The following AMOTL2 variants were observed in gnomAD, a reference collection of about 807,000 sequenced individuals.
AMOTL2 encodes the protein angiomotin-like protein 2.
In AMOTL2, 33 loss-of-function variants were observed where a neutral mutation model predicts 78.4. The observed-to-expected ratio is 0.42, with a 90% CI of 0.32 to 0.56. AMOTL2 has a LOEUF of 0.56. Among genes scored for constraint, AMOTL2 ranks in the 20% least tolerant of loss-of-function variants. The pLI, the probability that AMOTL2 is intolerant of heterozygous loss-of-function variation, is 0.12. For missense variants in AMOTL2, 983 were observed against 1,030.1 expected, an observed-to-expected ratio of 0.95 and a Z score of 0.63; for synonymous variants, 422 against 428.8, an observed-to-expected ratio of 0.98 and a Z score of 0.20.
At chr3:134,358,821 G>A in intron 8 of AMOTL2, 102 bp from the exon 9 acceptor site, 2 of 1,364,098 alleles carry the variant, frequency 1.5e-6, no homozygotes, top group Non-Finnish European at 2.0e-6. Flanking sequence ...AGGTGGAGTG[G>A]GCTGCTCTTG....
At chr3:134,371,516 G>C (rs763497995) in intron 1 of AMOTL2, 22 bp from the exon 2 acceptor site, 1 of 1,575,856 alleles carries the variant, frequency 6.3e-7, no homozygotes, top group Non-Finnish European at 8.6e-7. Flanking sequence ...TGGGGAGAGA[G>C]AGAGAGAAAA....
At chr3:134,374,009 T>G in intron 1 of AMOTL2, 1 of 249,292 alleles carries the variant, frequency 4.0e-6, no homozygotes, top group African/African-American at 2.3e-5. Context: ...GGCGCCTCCA[T>G]CCCTGTCCCC....
At position 134,365,773 on chromosome 3, in the gene AMOTL2, T is replaced by C. The variant is rs115364449; in HGVS notation, c.1279+44A>G. 2,575 of 1,539,272 alleles carry C rather than the reference T, an allele frequency of 1.7e-3. 38 individuals are homozygous for C. The African/African-American group carries it at 0.03, about 18-fold the overall frequency. ...GTCCAGAGGGTGTGCAGCAGTCCCA[T>C]TGCCTGCACACAGGCCAGGCTTCTT... is the stretch of plus-strand genomic sequence containing the variant. On this transcript the variant is annotated intron_variant, in intron 5 of 9. Transcript: ENST00000249883.
intron 3 of AMOTL2, chr3:134,366,628 G>T (rs1034578988): frequency 3.1e-5 from 17 of 540,426 alleles, no homozygotes; most frequent in Non-Finnish European, 5.1e-5. Flanking sequence ...AGCAAGCAAC[G>T]GTCCCATCGG....
rs1559800031 is a variant in AMOTL2 at position 134,365,929 on chromosome 3, G to A, written c.1187-20C>T. On this transcript the variant is annotated intron_variant, in intron 4 of 9. Coordinates refer to ENST00000249883, the MANE Select transcript of AMOTL2 (RefSeq NM_016201.4). The stretch of plus-strand genomic sequence containing the variant: ...ATCTCTCTGTTTCAAGGGAAGGAAA[G>A]ATGTTTTAGTGTCAGGTGAAGCTGC... 1.2e-6 allele frequency: 2 copies of A among 1,612,274 alleles called. No individual in the cohort carries two copies. Among genetic ancestry groups the A allele is most frequent in the South Asian group, 2.2e-5 (2 of 90,978 alleles).
intron 1 of AMOTL2, among the ~76,000 whole-genome samples, chr3:134,373,033 C>T (rs2017935558): frequency 1.3e-5 from 2 of 152,122 alleles, no homozygotes; most frequent in Non-Finnish European, 2.9e-5. Flanking sequence ...GTTGGCAGAG[C>T]AGCCATTCCC....
At position 134,374,444 on chromosome 3, in the gene AMOTL2, C is replaced by T; in HGVS notation, c.-164G>A. 1.0e-6 allele frequency: 1 copy of T among 985,556 alleles called. No individual in the cohort carries two copies. Among genetic ancestry groups the T allele is most frequent in the Non-Finnish European group, 1.2e-6 (1 of 830,018 alleles). 61.1% of individuals were successfully genotyped at this position (985,556 alleles called of 1,614,324 possible). ...TGTGTTCTCGGCCGTGGCGCCGACG[C>T]TCTGGCTGTTCGCGCCCCAGCGCGC... is the stretch of plus-strand genomic sequence containing the variant. On this transcript the variant is annotated 5_prime_UTR_variant, in exon 1 of 10. Coordinates refer to ENST00000249883, the MANE Select transcript of AMOTL2 (RefSeq NM_016201.4).
chr3:134,362,348 T>C lies in AMOTL2; in HGVS notation c.1280-541A>G, dbSNP rs76297262. On this transcript the variant is annotated intron_variant, in intron 5 of 9. Transcript: ENST00000249883. Reference sequence around the variant, plus strand: ...TCCTCCAGCCCCTCCAGGGAGGATTTGGGATCCCCAACTTATAGGGGAGAA... The same window carrying C: ...TCCTCCAGCCCCTCCAGGGAGGATTCGGGATCCCCAACTTATAGGGGAGAA... Among the ~76,000 whole-genome samples the C allele has an allele frequency of 8.5e-5, 13 of 152,278 alleles. No individual in the cohort carries two copies. The East Asian group carries it at 2.5e-3, about 29-fold the overall frequency.
upstream of AMOTL2, chr3:134,374,675 A>C: frequency 2.0e-6 from 2 of 981,792 alleles, no homozygotes; most frequent in Non-Finnish European, 2.4e-6. Context: ...CCGGCCCCCG[A>C]GCTCCGTTCC....
rs777985491 is a variant in AMOTL2, at chr3:134,358,648, C to A, written c.2176G>T (p.Asp726Tyr). 4 of 1,613,756 alleles carry A rather than the reference C, an allele frequency of 2.5e-6. No individual in the cohort carries two copies. Among genetic ancestry groups the A allele is most frequent in the Middle Eastern group, 1.7e-4 (1 of 6,058 alleles). The change falls in exon 9 of 10, where the codon GAT becomes TAT. Residue 726 changes from aspartate (D) to tyrosine (Y), a missense_variant. Asp to Tyr is a radical substitution (Grantham distance 160). Coordinates refer to ENST00000249883, the MANE Select transcript of AMOTL2 (RefSeq NM_016201.4). The stretch of plus-strand genomic sequence containing the variant: ...GGGCCCTCAGTCTGGGTGCTCCCAT[C>A]TCTGCTCCCGTGTTTGGCATGGGCA... ...PAAHAKHGSR[D>Y]GSTQTEGPPD...
intron 2 of AMOTL2, 60 bp downstream of exon 2, chr3:134,370,640 C>T: frequency 6.7e-7 from 1 of 1,490,000 alleles, no homozygotes; most frequent in Non-Finnish European, 8.9e-7. Flanking sequence ...GCTCTCCTCC[C>T]TGAGAGACCT....
In AMOTL2 at chr3:134,357,266, A is replaced by G. The variant is rs115085348; in HGVS notation, c.*439T>C. On this transcript the variant is annotated 3_prime_UTR_variant, in exon 10 of 10. Transcript: ENST00000249883. ...ACTTAGCCAGAGAACAATATGGCTG[A>G]CTTGATTAGTGAACCAGTCCACCTG... 2.9e-3 allele frequency: 565 copies of G among 194,352 alleles called. 1 individual carries two copies. Among genetic ancestry groups the G allele is most frequent in the Middle Eastern group, 0.011 (5 of 458 alleles). The allele number at this position is 194,352 out of a possible 1,614,324, so 12.0% of individuals were successfully genotyped here.
chr3:134,366,568 G>C (rs746448065), intron 3 of AMOTL2, 141 bp from the exon 4 acceptor site: 136 of 826,884 alleles, frequency 1.6e-4, no homozygotes, highest in Non-Finnish European at 2.1e-4. Flanking sequence ...GACTATGGTG[G>C]GATGGTCAGA....
chr3:134,364,268 AC>A (rs1211792065), intron 5 of AMOTL2, among the ~76,000 whole-genome samples: 1 of 151,656 alleles, frequency 6.6e-6, no homozygotes, highest in Non-Finnish European at 1.5e-5. Context: ...CATCCAGGTC[AC>A]CCGCGGCTGC....
At chr3:134,373,584 G>A in intron 1 of AMOTL2, 1 of 985,446 alleles carries the variant, frequency 1.0e-6, no homozygotes, top group Non-Finnish European at 1.2e-6. Context: ...CTCCAGCCTT[G>A]GCCTGGGCTC....
rs1056425201 is a variant in AMOTL2 at position 134,373,567 on chromosome 3, C to G, written c.-62+775G>C. 26 of 985,426 alleles carry G rather than the reference C, an allele frequency of 2.6e-5. No individual in the cohort carries two copies. In the African/African-American group the frequency reaches 3.7e-4, roughly 14 times the overall value. The allele number at this position is 985,426 out of a possible 1,614,324, so 61.0% of individuals were successfully genotyped here. A position where few individuals can be genotyped will look rare whatever the true frequency, so the allele number is the denominator to read the frequency against. On this transcript the variant is annotated intron_variant, in intron 1 of 9. Coordinates refer to ENST00000249883, the MANE Select transcript of AMOTL2 (RefSeq NM_016201.4). ...TCTGAAGGCCGCCTTTCTAAGCCAGCGCGCGTCTCCAGCCTTGGCCTGGGC... is the reference window on the plus strand; with the variant it reads ...TCTGAAGGCCGCCTTTCTAAGCCAGGGCGCGTCTCCAGCCTTGGCCTGGGC...
chr3:134,374,944 G>T, upstream of AMOTL2: 2 of 1,342,688 alleles, frequency 1.5e-6, no homozygotes, highest in Non-Finnish European at 1.9e-6. Flanking sequence ...TGTGTACCGG[G>T]GGAGGTGGGA....
In AMOTL2 at chr3:134,356,956, A is replaced by G. The variant is rs2017109917; in HGVS notation, c.*749T>C. On this transcript the variant is annotated 3_prime_UTR_variant, in exon 10 of 10. Coordinates refer to ENST00000249883, the MANE Select transcript of AMOTL2 (RefSeq NM_016201.4). The stretch of plus-strand genomic sequence containing the variant: ...GAGGAGGAGGCATAACTGGGAGGCC[A>G]GTCAGAAGTTTCAGAAACTGACAGT... 2.0e-5 allele frequency: 3 copies of G among 152,702 alleles called. No individual in the cohort carries two copies. Among genetic ancestry groups the G allele is most frequent in the African/African-American group, 7.2e-5 (3 of 41,456 alleles). The allele number at this position is 152,702 out of a possible 1,614,324, so 9.5% of individuals were successfully genotyped here. A position where few individuals can be genotyped will look rare whatever the true frequency, so the allele number is the denominator to read the frequency against.
chr3:134,371,654 C>T, intron 1 of AMOTL2, 160 bp from the exon 2 acceptor site: 1 of 1,174,234 alleles, frequency 8.5e-7, no homozygotes, highest in Non-Finnish European at 1.2e-6. Context: ...AGTACCAGTG[C>T]TGCCATCTAC....
Sources: gnomAD v4.1 joint callset for allele counts (sites outside exome capture counted in the v4.1 genomes callset) on GRCh38, gnomAD v4.1.1 for gene constraint, MANE v1.5 for transcripts, NCBI Gene and HGNC (gene_info 2026-07-23, HGNC 2026-07-21) for gene names.